Variants in GTPBP1 observed in about 807,000 individuals in gnomAD.
GTPBP1 encodes GTP-binding protein 1.
A neutral mutation model predicts 62.0 loss-of-function variants in GTPBP1; 23 were observed. That is an observed-to-expected ratio of 0.37 (90% confidence interval 0.27 to 0.53). The LOEUF (loss-of-function observed/expected upper bound fraction) is 0.53, where lower values mean the gene tolerates loss of function less well. GTPBP1 is among the 20% of genes least tolerant of loss of function. GTPBP1 has a pLI of 0.89. For missense variants in GTPBP1, 640 were observed against 917.3 expected (o/e 0.70, Z 3.90); for synonymous variants, 344 against 364.4 (o/e 0.94, Z 0.64).
At chr22:38,724,780 C>T (rs1487640576) in intron 6 of GTPBP1, among the ~76,000 whole-genome samples, 1 of 152,188 alleles carries the variant, frequency 6.6e-6, no homozygotes, top group African/African-American at 2.4e-5. Flanking sequence ...CCCTGCCTGG[C>T]TGATGGATGG....
intron 4 of GTPBP1, among the ~76,000 whole-genome samples, chr22:38,721,433 T>C (rs2092700369): frequency 6.6e-6 from 1 of 152,114 alleles, no homozygotes; most frequent in Non-Finnish European, 1.5e-5. Context: ...TCCTGCCTGG[T>C]CTCAAACTCC....
At chr22:38,725,640 G>A (rs2092722885) in intron 6 of GTPBP1, among the ~76,000 whole-genome samples, 1 of 152,234 alleles carries the variant, frequency 6.6e-6, no homozygotes, top group Non-Finnish European at 1.5e-5. Flanking sequence ...AGTGTTGGGA[G>A]AGGGATTTGG....
At chr22:38,712,862 G>C in intron 2 of GTPBP1, among the ~76,000 whole-genome samples, 2 of 152,226 alleles carry the variant, frequency 1.3e-5, no homozygotes, top group Non-Finnish European at 2.9e-5. Flanking sequence ...TCACTTTGCC[G>C]TGCATTTAGA....
rs574208145 is a variant in GTPBP1, at chr22:38,720,788, A to G, written c.835-954A>G. ...CTAGTTCCTGCTAGTTGTGTGCTGG[A>G]CACTTCATGTGTGTTGTGACATTTA... On this transcript the variant is annotated intron_variant, in intron 4 of 11. Coordinates refer to ENST00000216044, the MANE Select transcript of GTPBP1 (RefSeq NM_004286.5). 9.2e-5 allele frequency among the ~76,000 whole-genome samples: 14 copies of G among 152,284 alleles called. No homozygotes were observed. In the South Asian group the frequency reaches 1.7e-3, roughly 18 times the overall value.
At chr22:38,737,122 C>T (rs546259196), downstream of GTPBP1, among the ~76,000 whole-genome samples, 9 of 152,330 alleles carry the variant, frequency 5.9e-5, no homozygotes, top group African/African-American at 1.9e-4. The surrounding 1 kb of genome is among the most constrained non-coding windows in gnomAD (Gnocchi z 4.1). Flanking sequence ...GCTGGAATTA[C>T]AGACATGAGC....
intron 2 of GTPBP1, among the ~76,000 whole-genome samples, chr22:38,712,862 G>T (rs138450789): frequency 1.3e-5 from 2 of 152,108 alleles, no homozygotes; most frequent in Non-Finnish European, 2.9e-5. Flanking sequence ...TCACTTTGCC[G>T]TGCATTTAGA....
At chr22:38,737,468 G>A (rs975445557), downstream of GTPBP1, among the ~76,000 whole-genome samples, 7 of 151,982 alleles carry the variant, frequency 4.6e-5, no homozygotes, top group African/African-American at 1.2e-4. This position sits in a 1 kb window ranked among gnomAD's most constrained non-coding sequence, Gnocchi z 4.1. Flanking sequence ...GCCCAGGCTC[G>A]CCCCTTCGAG....
downstream of GTPBP1, chr22:38,742,713 G>C (rs1307324408): frequency 2.1e-6 from 2 of 941,682 alleles, no homozygotes; most frequent in Admixed American, 3.0e-5. Flanking sequence ...CGTGGGCAGG[G>C]GCTGCCGACC....
intron 6 of GTPBP1, among the ~76,000 whole-genome samples, chr22:38,724,744 A>G (rs1462698088): frequency 1.3e-5 from 2 of 152,150 alleles, no homozygotes; most frequent in Admixed American, 1.3e-4. Flanking sequence ...TGAATGTTGG[A>G]AATGAAGTAT....
At chr22:38,707,713 A>C (rs1331038995) in intron 1 of GTPBP1, among the ~76,000 whole-genome samples, 1 of 152,254 alleles carries the variant, frequency 6.6e-6, no homozygotes, top group African/African-American at 2.4e-5. Context: ...TTTCTTGACC[A>C]GCTCATTTAA....
downstream of GTPBP1, chr22:38,738,704 G>T: frequency 6.2e-7 from 1 of 1,613,686 alleles, no homozygotes; most frequent in Non-Finnish European, 8.5e-7. This position sits in a 1 kb window ranked among gnomAD's most constrained non-coding sequence, Gnocchi z 6.6. Context: ...GGACCACGGC[G>T]AAGCCTTGTG....
intron 5 of GTPBP1, among the ~76,000 whole-genome samples, chr22:38,722,105 C>T (rs978302313): frequency 9.2e-5 from 14 of 151,918 alleles, no homozygotes; most frequent in South Asian, 4.2e-4. Flanking sequence ...CTTTATAATC[C>T]GTTACACTGG....
chr22:38,721,611 C>A, intron 4 of GTPBP1, 131 bp from the exon 5 acceptor site: 1 of 686,122 alleles, frequency 1.5e-6, no homozygotes, highest in Non-Finnish European at 2.4e-6. Context: ...CGCCCCACAT[C>A]ATCGAGTCAG....
chr22:38,740,536 G>A (rs2092847691), downstream of GTPBP1: 11 of 1,283,622 alleles, frequency 8.6e-6, no homozygotes, highest in Admixed American at 6.6e-5. The surrounding 1 kb of genome is among the most constrained non-coding windows in gnomAD (Gnocchi z 4.8). Context: ...TCAGGAGAGC[G>A]GGTGCCCAGC....
downstream of GTPBP1, chr22:38,734,857 GA>G (rs1358728573): frequency 1.0e-5 from 2 of 191,160 alleles, no homozygotes; most frequent in African/African-American, 4.8e-5. Flanking sequence ...CCTCGGGATG[GA>G]GCGGGGCGGC....
At chr22:38,718,524 G>A (rs1480422377) in intron 4 of GTPBP1, among the ~76,000 whole-genome samples, 2 of 152,304 alleles carry the variant, frequency 1.3e-5, no homozygotes, top group East Asian at 3.9e-4. Flanking sequence ...GTTGGGAAGA[G>A]CAAAAGCAAG....
chr22:38,742,175 G>A, downstream of GTPBP1: 1 of 1,211,772 alleles, frequency 8.3e-7, no homozygotes, highest in African/African-American at 1.5e-5. Flanking sequence ...AAAAGAGAAA[G>A]GGAGTAACTG....
chr22:38,712,187 G>A (rs116311866), intron 2 of GTPBP1, among the ~76,000 whole-genome samples: 3 of 152,144 alleles, frequency 2.0e-5, no homozygotes, highest in Admixed American at 6.5e-5. Context: ...GGAGTACTAA[G>A]TCTTTGTGGA....
At chr22:38,713,721 GAACA>G (rs1221443619) in intron 2 of GTPBP1, among the ~76,000 whole-genome samples, 1 of 152,152 alleles carries the variant, frequency 6.6e-6, no homozygotes, top group Non-Finnish European at 1.5e-5. Context: ...TGTTAAAAGG[GAACA>G]GTAATGCCTA....
Sources: gnomAD v4.1 joint callset for allele counts (sites outside exome capture counted in the v4.1 genomes callset) on GRCh38, gnomAD v4.1.1 for gene constraint, Gnocchi (gnomAD v3.1) non-coding constraint, MANE v1.5 for transcripts, NCBI Gene and HGNC (gene_info 2026-07-23, HGNC 2026-07-21) for gene names.